KIZ: variants seen among roughly 807,000 people sequenced by gnomAD.
The protein encoded by KIZ is centrosomal protein kizuna.
In KIZ, 68 loss-of-function variants were observed where a neutral mutation model predicts 79.6. The observed-to-expected ratio is 0.85, with a 90% CI of 0.70 to 1.05. KIZ has a LOEUF of 1.05. Ranked by LOEUF, KIZ falls within the 50% of genes least tolerant of loss-of-function variation. The pLI is 0.00. For synonymous variants in KIZ, 280 were observed against 281.8 expected (o/e 0.99, Z 0.06); for missense variants, 797 against 800.4 (o/e 1.00, Z 0.05).
intron 11 of KIZ, among the ~76,000 whole-genome samples, chr20:21,239,858 CT>C (rs1042313815): frequency 2.0e-5 from 3 of 152,178 alleles, no homozygotes; most frequent in Admixed American, 6.5e-5. Flanking sequence ...ACACAAGTGA[CT>C]TTGATTAGCA....
intron 9 of KIZ, among the ~76,000 whole-genome samples, chr20:21,224,508 T>C (rs1163396166): frequency 6.6e-6 from 1 of 152,236 alleles, no homozygotes; most frequent in Non-Finnish European, 1.5e-5. Flanking sequence ...AGAGAATATT[T>C]TTCAGATTTC....
intron 11 of KIZ, among the ~76,000 whole-genome samples, chr20:21,237,410 G>A (rs953557370): frequency 1.3e-5 from 2 of 150,194 alleles, no homozygotes; most frequent in African/African-American, 2.5e-5. Flanking sequence ...CCCTGCTCCC[G>A]CCCTGGGCCA....
intron 6 of KIZ, among the ~76,000 whole-genome samples, chr20:21,205,112 A>G (rs886612979): frequency 2.0e-5 from 3 of 152,194 alleles, no homozygotes; most frequent in African/African-American, 4.8e-5. Context: ...AGCCAGTCTC[A>G]TGATCCAATG....
chr20:21,138,787 A>G (rs2032343435), intron 3 of KIZ, among the ~76,000 whole-genome samples: 1 of 152,168 alleles, frequency 6.6e-6, no homozygotes, highest in South Asian at 2.1e-4. Flanking sequence ...TTTAGAACCT[A>G]TAGATCTGAG....
intron 6 of KIZ, among the ~76,000 whole-genome samples, chr20:21,168,602 C>A (rs2034062449): frequency 6.6e-6 from 1 of 152,092 alleles, no homozygotes; most frequent in African/African-American, 2.4e-5. Flanking sequence ...CATATAGAAC[C>A]AAAAGAGAGC....
intron 2 of KIZ, among the ~76,000 whole-genome samples, chr20:21,134,084 G>A (rs973860365): frequency 2.6e-5 from 4 of 152,190 alleles, no homozygotes; most frequent in Admixed American, 6.5e-5. Flanking sequence ...ACCACATGCA[G>A]CAGGCTGTGG....
At chr20:21,179,647 G>C (rs924603023) in intron 6 of KIZ, among the ~76,000 whole-genome samples, 1 of 151,590 alleles carries the variant, frequency 6.6e-6, no homozygotes, top group Non-Finnish European at 1.5e-5. Context: ...TCTACTTAAG[G>C]TGTGAAGTTA....
intron 6 of KIZ, among the ~76,000 whole-genome samples, chr20:21,187,726 T>C (rs1453154759): frequency 1.4e-4 from 21 of 152,166 alleles, no homozygotes; most frequent in Admixed American, 1.2e-3. Context: ...CAGCCGTTAA[T>C]CCTCACAAAG....
chr20:21,153,318 G>A (rs2033213141), intron 4 of KIZ, among the ~76,000 whole-genome samples: 1 of 152,080 alleles, frequency 6.6e-6, no homozygotes, highest in Non-Finnish European at 1.5e-5. Flanking sequence ...TTGGTGTGGG[G>A]GTAGGGAGAC....
chr20:21,234,294 G>A (rs560707709), intron 11 of KIZ, among the ~76,000 whole-genome samples: 39 of 150,984 alleles, frequency 2.6e-4, no homozygotes, highest in Middle Eastern at 3.4e-3. Context: ...TATCGTTTCC[G>A]TATGAAATTA....
At chr20:21,188,199 G>C (rs2034963827) in intron 6 of KIZ, among the ~76,000 whole-genome samples, 1 of 152,142 alleles carries the variant, frequency 6.6e-6, no homozygotes, top group Non-Finnish European at 1.5e-5. Flanking sequence ...AACCTACCCT[G>C]TTTGATTGTG....
At chr20:21,233,563 T>C (rs968599985) in intron 11 of KIZ, among the ~76,000 whole-genome samples, 7 of 152,248 alleles carry the variant, frequency 4.6e-5, no homozygotes, top group African/African-American at 1.7e-4. Context: ...ACTTTCCTTT[T>C]GGAACAGCAT....
intron 6 of KIZ, among the ~76,000 whole-genome samples, chr20:21,171,490 G>T (rs950813659): frequency 6.6e-6 from 1 of 152,168 alleles, no homozygotes; most frequent in Non-Finnish European, 1.5e-5. Context: ...TGTTGCCCAG[G>T]CTGGAATGCA....
At chr20:21,141,017 T>TTAA (rs1295282743) in intron 3 of KIZ, among the ~76,000 whole-genome samples, 2 of 151,810 alleles carry the variant, frequency 1.3e-5, no homozygotes, top group Non-Finnish European at 1.5e-5. Flanking sequence ...CCAAAAAAAA[T>TTAA]TAATAATAAT....
intron 4 of KIZ, among the ~76,000 whole-genome samples, chr20:21,152,548 G>A (rs890230523): frequency 2.0e-5 from 3 of 152,266 alleles, no homozygotes; most frequent in Admixed American, 2.0e-4. Context: ...TGGGGATGGT[G>A]GAGCATATAC....
chr20:21,236,988 ACT>A (rs750074730), intron 11 of KIZ, among the ~76,000 whole-genome samples: 28 of 143,762 alleles, frequency 1.9e-4, no homozygotes, highest in Non-Finnish European at 3.5e-4. Context: ...ATGGAGCAAG[ACT>A]CTGTTTAAAA....
chr20:21,237,686 C>T (rs2037065896), intron 11 of KIZ, among the ~76,000 whole-genome samples: 1 of 152,200 alleles, frequency 6.6e-6, no homozygotes, highest in Non-Finnish European at 1.5e-5. Flanking sequence ...CAAGGCTTAA[C>T]CTTCTGAACG....
At chr20:21,145,773 G>A (rs941428380) in intron 4 of KIZ, 119 bp downstream of exon 4, 9 of 450,788 alleles carry the variant, frequency 2.0e-5, no homozygotes, top group Middle Eastern at 4.3e-4. Context: ...TAAACCTTAC[G>A]TGATTATTTA....
intron 6 of KIZ, chr20:21,195,964 C>CTA (rs1313738933): frequency 5.9e-5 from 9 of 152,578 alleles, no homozygotes. Context: ...CTTGCCTCAC[C>CTA]CACTTACCTG....
Sources: gnomAD v4.1 joint callset for allele counts (sites outside exome capture counted in the v4.1 genomes callset) on GRCh38, gnomAD v4.1.1 for gene constraint, MANE v1.5 for transcripts, NCBI Gene and HGNC (gene_info 2026-07-23, HGNC 2026-07-21) for gene names.